RAI14: variants seen among roughly 807,000 people sequenced by gnomAD.
The protein encoded by RAI14 is retinoic acid induced 14, also known as ankycorbin.
A neutral mutation model predicts 115.4 loss-of-function variants in RAI14; 45 were observed. The observed-to-expected ratio is 0.39, with a 90% CI of 0.31 to 0.50. The LOEUF is 0.50. Among genes scored for constraint, RAI14 ranks in the 20% least tolerant of loss-of-function variants. RAI14 has a pLI of 0.85. For synonymous variants in RAI14, 371 were observed against 415.4 expected (o/e 0.89, Z 1.30); for missense variants, 939 against 1,131.2 (o/e 0.83, Z 2.44).
chr5:34,829,706 A>G (rs755905980), intron 16 of RAI14, 26 bp from the exon 17 acceptor site: 6 of 1,580,834 alleles, frequency 3.8e-6, no homozygotes, highest in Non-Finnish European at 5.2e-6. Flanking sequence ...TAAGCTCATT[A>G]ATAATGTGAA....
At chr5:34,688,587 A>G (rs1738167321) in intron 2 of RAI14, among the ~76,000 whole-genome samples, 1 of 152,198 alleles carries the variant, frequency 6.6e-6, no homozygotes. Flanking sequence ...ATTTGGCAGC[A>G]GAAAAGGCTA....
chr5:34,822,250 G>GTATATATATATATATATATATA (rs376790121), intron 14 of RAI14, among the ~76,000 whole-genome samples: 22 of 134,722 alleles, frequency 1.6e-4, no homozygotes, highest in East Asian at 4.2e-4. Context: ...ATGTGTGTAT[G>GTATATATATATATATATATATA]TATATATATA....
intron 1 of RAI14, chr5:34,656,904 TG>T (rs1742311928): frequency 6.6e-6 from 1 of 152,296 alleles, no homozygotes; most frequent in African/African-American, 2.4e-5. Context: ...GGCGCCTCGC[TG>T]CCCCCGCGTC....
chr5:34,679,725 T>C (rs1465893975), intron 1 of RAI14, among the ~76,000 whole-genome samples: 1 of 151,824 alleles, frequency 6.6e-6, no homozygotes, highest in African/African-American at 2.4e-5. Flanking sequence ...AGGGGGCAGG[T>C]GGGAAGGAAA....
At position 34,822,890 on chromosome 5, in the gene RAI14, T is replaced by C. The variant is rs1757043938; in HGVS notation, c.1114-66T>C. 1.5e-5 allele frequency: 21 copies of C among 1,358,034 alleles called. No individual in the cohort carries two copies. In the South Asian group the frequency reaches 2.9e-4, roughly 19 times the overall value. 84.1% of individuals were successfully genotyped at this position (1,358,034 alleles called of 1,614,324 possible). A position where few individuals can be genotyped will look rare whatever the true frequency, so the allele number is the denominator to read the frequency against. On this transcript the variant is annotated intron_variant, in intron 14 of 17. Transcript: ENST00000265109. The stretch of plus-strand genomic sequence containing the variant: ...TTTTAGTAGAGACGGGGTTTCACCG[T>C]GTTAGCCAGGATGGTCTCAATCTCC...
chr5:34,824,719 G>C (rs1015317894), intron 15 of RAI14, among the ~76,000 whole-genome samples: 1 of 152,032 alleles, frequency 6.6e-6, no homozygotes, highest in Non-Finnish European at 1.5e-5. Flanking sequence ...CGAGGTGGGT[G>C]GATCACTTGA....
intron 2 of RAI14, among the ~76,000 whole-genome samples, chr5:34,746,097 C>T (rs1270776696): frequency 7.5e-5 from 10 of 133,186 alleles, no homozygotes; most frequent in African/African-American, 2.3e-4. Flanking sequence ...CCCCTCCCCC[C>T]CCCGCCTTTT....
At chr5:34,820,796 C>G (rs1189458678) in intron 13 of RAI14, among the ~76,000 whole-genome samples, 1 of 152,178 alleles carries the variant, frequency 6.6e-6, no homozygotes, top group African/African-American at 2.4e-5. Context: ...CCTTAAGTTG[C>G]AATTTCAGCA....
At chr5:34,720,603 G>T (rs1433091908) in intron 2 of RAI14, among the ~76,000 whole-genome samples, 2 of 151,648 alleles carry the variant, frequency 1.3e-5, no homozygotes, top group Admixed American at 6.6e-5. Flanking sequence ...GTAGAGATGG[G>T]GTTTCACCGT....
At position 34,799,750 on chromosome 5, in the gene RAI14, C is replaced by G. The variant is rs112823409; in HGVS notation, c.256+3723C>G. Among the ~76,000 whole-genome samples, 4 of 144,444 alleles carry G rather than the reference C, an allele frequency of 2.8e-5. No homozygotes were observed. In the East Asian group the frequency reaches 8.2e-4, roughly 30 times the overall value. 94.8% of individuals were successfully genotyped at this position (144,444 alleles called of 152,430 possible). A position where few individuals can be genotyped will look rare whatever the true frequency, so the allele number is the denominator to read the frequency against. ...TCTCCCAGGCTGAAGTGCAGTGGCA[C>G]GATCTCGGCTCACTGCAAGCTCCGC... On this transcript the variant is annotated intron_variant, in intron 4 of 17. Transcript: ENST00000265109.
chr5:34,815,164 C>T (rs549282809), intron 12 of RAI14, among the ~76,000 whole-genome samples: 2 of 152,158 alleles, frequency 1.3e-5, no homozygotes, highest in South Asian at 2.1e-4. Context: ...AGGTGGATCA[C>T]GAGGTCAAGA....
chr5:34,766,699 G>A (rs995194840), intron 3 of RAI14, among the ~76,000 whole-genome samples: 1 of 152,104 alleles, frequency 6.6e-6, no homozygotes. Flanking sequence ...TAAGACTTTG[G>A]GGGAACTGTT....
intron 4 of RAI14, among the ~76,000 whole-genome samples, chr5:34,803,279 A>G (rs866000175): frequency 9.2e-5 from 14 of 152,170 alleles, no homozygotes; most frequent in African/African-American, 3.1e-4. Flanking sequence ...CAGGCACAGT[A>G]GCTCATGCCT....
chr5:34,684,305 G>C (rs1051116512), intron 1 of RAI14, among the ~76,000 whole-genome samples: 1 of 152,156 alleles, frequency 6.6e-6, no homozygotes, highest in Non-Finnish European at 1.5e-5. Context: ...TACCCCTTGA[G>C]ATTCAGTTTT....
At chr5:34,665,037 ATATATGTG>A (rs1743014296) in intron 1 of RAI14, among the ~76,000 whole-genome samples, 1 of 65,176 alleles carries the variant, frequency 1.5e-5, no homozygotes, top group African/African-American at 5.4e-5. Context: ...ATATATGTAT[ATATATGTG>A]TATATATATG....
intron 2 of RAI14, among the ~76,000 whole-genome samples, chr5:34,748,632 AT>A (rs1382310527): frequency 1.3e-5 from 2 of 152,134 alleles, no homozygotes; most frequent in Non-Finnish European, 2.9e-5. Flanking sequence ...CCTATTTTGC[AT>A]TGTTGGCGTA....
chr5:34,659,430 G>A (rs1356110392), intron 1 of RAI14, among the ~76,000 whole-genome samples: 1 of 152,034 alleles, frequency 6.6e-6, no homozygotes, highest in East Asian at 1.9e-4. Flanking sequence ...ACCATGCCTG[G>A]CTAATTTTTT....
intron 11 of RAI14, 142 bp downstream of exon 11, chr5:34,813,802 C>G: frequency 2.0e-6 from 1 of 489,608 alleles, no homozygotes; most frequent in Non-Finnish European, 3.5e-6. Context: ...TTTTAAATTA[C>G]AAATTGTGGT....
intron 1 of RAI14, among the ~76,000 whole-genome samples, chr5:34,665,352 T>A (rs1265225802): frequency 1.3e-5 from 2 of 150,648 alleles, no homozygotes; most frequent in East Asian, 3.9e-4. Context: ...TCACTTTCAC[T>A]AAGTCTGTCC....
Sources: allele counts gnomAD v4.1 joint callset (sites outside exome capture counted in the v4.1 genomes callset), GRCh38; gene constraint gnomAD v4.1.1; transcripts MANE v1.5; gene names NCBI Gene and HGNC (gene_info 2026-07-23, HGNC 2026-07-21).